PDE10A: variants seen among roughly 807,000 people sequenced by gnomAD.
PDE10A encodes cAMP and cAMP-inhibited cGMP 3',5'-cyclic phosphodiesterase 10A.
PDE10A carries 39 observed loss-of-function variants against 97.7 expected under a neutral mutation model. The observed-to-expected ratio is 0.40, with a 90% CI of 0.31 to 0.52. The LOEUF (loss-of-function observed/expected upper bound fraction) is 0.52, where lower values mean the gene tolerates loss of function less well. Ranked by LOEUF, PDE10A falls within the 20% of genes least tolerant of loss-of-function variation. The probability of loss-of-function intolerance (pLI) is 0.56; values close to 1 mark genes in which losing one functional copy is unlikely to be tolerated. For missense variants in PDE10A, 731 were observed against 1,047.8 expected (o/e 0.70, Z 4.17); for synonymous variants, 371 against 376.8 (o/e 0.98, Z 0.18).
chr6:165,378,915 C>T (rs1208405699), intron 18 of PDE10A, among the ~76,000 whole-genome samples: 1 of 152,298 alleles, frequency 6.6e-6, no homozygotes, highest in Admixed American at 6.5e-5. Flanking sequence ...CTTGGAGAAA[C>T]ATCATTCCAG....
intron 3 of PDE10A, among the ~76,000 whole-genome samples, chr6:165,475,158 TCA>T (rs921797307): frequency 6.6e-6 from 1 of 152,170 alleles, no homozygotes; most frequent in Non-Finnish European, 1.5e-5. Context: ...AAACCATTTT[TCA>T]CACTTTTGCC....
intron 1 of PDE10A, among the ~76,000 whole-genome samples, chr6:165,764,947 T>C (rs376321525): frequency 0.1 from 15,684 of 151,856 alleles, 991 homozygotes; most frequent in South Asian, 0.19. Context: ...GGTGCGTTTA[T>C]AATCCCTGAG....
At chr6:165,405,537 C>T (rs1000157683) in intron 13 of PDE10A, among the ~76,000 whole-genome samples, 1 of 152,200 alleles carries the variant, frequency 6.6e-6, no homozygotes, top group African/African-American at 2.4e-5. Flanking sequence ...TTCATATGGA[C>T]TACGCACTGT....
At chr6:165,812,165 A>G (rs1779301923) in intron 1 of PDE10A, among the ~76,000 whole-genome samples, 1 of 152,198 alleles carries the variant, frequency 6.6e-6, no homozygotes, top group South Asian at 2.1e-4. Context: ...CAGTGTCTTT[A>G]TAATAAACCA....
chr6:165,942,256 C>T lies in PDE10A; in HGVS notation c.-615+45273G>A, dbSNP rs190304852. ...GGGGTAGCAGGGGAATTAAAAATGCCAGTTTATGATTTTATATATGTATGT... is the reference window on the plus strand; with the variant it reads ...GGGGTAGCAGGGGAATTAAAAATGCTAGTTTATGATTTTATATATGTATGT... On this transcript the variant is annotated intron_variant, in intron 1 of 19. Coordinates refer to the PDE10A transcript ENST00000366882. Among the ~76,000 whole-genome samples, 153 of 151,802 alleles carry T rather than the reference C, an allele frequency of 1.0e-3. 1 individual carries two copies. Among genetic ancestry groups the T allele is most frequent in the Non-Finnish European group, 1.9e-3 (132 of 67,964 alleles).
At position 165,383,251 on chromosome 6, in the gene PDE10A, C is replaced by G. The variant is rs561773206; in HGVS notation, c.2611-3885G>C. ...TGACTATTTTTAAAGTCAAAATGGG[C>G]TATTAAAAAAGGCAAAGAAAAAGTA... On this transcript the variant is annotated intron_variant, in intron 17 of 21. Coordinates refer to ENST00000539869, the MANE Select transcript of PDE10A (RefSeq NM_001385079.1). 3.3e-5 allele frequency among the ~76,000 whole-genome samples: 5 copies of G among 152,014 alleles called. No homozygotes were observed. In the East Asian group the frequency reaches 9.7e-4, roughly 29 times the overall value.
intron 5 of PDE10A, among the ~76,000 whole-genome samples, chr6:165,440,989 A>C (rs1253362585): frequency 6.6e-6 from 1 of 152,234 alleles, no homozygotes; most frequent in Non-Finnish European, 1.5e-5. Flanking sequence ...TGAATTAAGC[A>C]AAAATTCAGT....
chr6:165,507,617 T>C (rs755294295), intron 2 of PDE10A, among the ~76,000 whole-genome samples: 1 of 152,096 alleles, frequency 6.6e-6, no homozygotes, highest in Non-Finnish European at 1.5e-5. Flanking sequence ...CTAACTTGAA[T>C]GGCTCAAAAA....
intron 1 of PDE10A, among the ~76,000 whole-genome samples, chr6:165,778,176 G>A (rs756601747): frequency 5.3e-5 from 8 of 151,980 alleles, no homozygotes; most frequent in Non-Finnish European, 1.0e-4. Context: ...CCGGGTTCAC[G>A]CTGTTCTCCT....
At chr6:165,391,520 A>G (rs1382242716) in intron 16 of PDE10A, among the ~76,000 whole-genome samples, 2 of 152,222 alleles carry the variant, frequency 1.3e-5, no homozygotes, top group Non-Finnish European at 2.9e-5. Flanking sequence ...GAAAATGCTG[A>G]AAGTCTCAAC....
At chr6:165,413,344 G>A (rs1270470752) in intron 13 of PDE10A, among the ~76,000 whole-genome samples, 157 bp downstream of exon 13, 1 of 150,614 alleles carries the variant, frequency 6.6e-6, no homozygotes, top group Non-Finnish European at 1.5e-5. Flanking sequence ...GGCATTTTAT[G>A]ACATTTTCTA....
intron 1 of PDE10A, among the ~76,000 whole-genome samples, chr6:165,839,992 A>T (rs1780206993): frequency 5.1e-3 from 22 of 4,292 alleles, no homozygotes; most frequent in South Asian, 0.02. Flanking sequence ...CCCATCTCCA[A>T]CTCCATCCCA....
At chr6:165,734,997 G>A (rs1180711140) in intron 1 of PDE10A, among the ~76,000 whole-genome samples, 56 of 144,826 alleles carry the variant, frequency 3.9e-4, no homozygotes, top group African/African-American at 1.3e-3. Flanking sequence ...TAGATAGTAG[G>A]TAGGTAGGTA....
chr6:165,980,377 G>A (rs922398811), intron 1 of PDE10A, among the ~76,000 whole-genome samples: 8 of 134,892 alleles, frequency 5.9e-5, no homozygotes, highest in African/African-American at 1.9e-4. Context: ...AGAAAGTACT[G>A]TGTGGTTGCT....
At chr6:165,583,827 T>C (rs1302453245) in intron 1 of PDE10A, among the ~76,000 whole-genome samples, 1 of 152,140 alleles carries the variant, frequency 6.6e-6, no homozygotes, top group East Asian at 1.9e-4. Flanking sequence ...TGGGGAGGAA[T>C]AGGAATGGCA....
intron 12 of PDE10A, among the ~76,000 whole-genome samples, chr6:165,415,490 T>C (rs966147402): frequency 2.0e-5 from 3 of 152,158 alleles, no homozygotes; most frequent in Non-Finnish European, 2.9e-5. Context: ...TAAAATCAAA[T>C]TACATAATTG....
chr6:165,433,168 A>C, intron 6 of PDE10A, 39 bp from the exon 7 acceptor site: 1 of 1,489,160 alleles, frequency 6.7e-7, no homozygotes, highest in Non-Finnish European at 9.3e-7. Context: ...AATTCAGTGA[A>C]ATGATCATTA....
intron 18 of PDE10A, among the ~76,000 whole-genome samples, chr6:165,348,273 A>G (rs2128184555): frequency 6.6e-6 from 1 of 152,332 alleles, no homozygotes; most frequent in African/African-American, 2.4e-5. Flanking sequence ...ATGAAAGTAA[A>G]AATTTTAAAA....
Position 165,543,599 on chromosome 6 carries a change from C to A in PDE10A, c.866-31G>T, listed in dbSNP as rs774046683. The stretch of plus-strand genomic sequence containing the variant: ...AAAGAATTGAAAAGAATAAAATTCA[C>A]CTATACAACATCCTCATATCAATGA... On this transcript the variant is annotated intron_variant, in intron 1 of 21. Coordinates refer to ENST00000539869, the MANE Select transcript of PDE10A (RefSeq NM_001385079.1). 4 of 1,563,414 alleles carry A rather than the reference C, an allele frequency of 2.6e-6. No homozygotes were observed. The South Asian group carries it at 4.6e-5, about 18-fold the overall frequency.
Sources: allele counts gnomAD v4.1 joint callset (sites outside exome capture counted in the v4.1 genomes callset), GRCh38; gene constraint gnomAD v4.1.1; transcripts MANE v1.5; gene names NCBI Gene and HGNC (gene_info 2026-07-23, HGNC 2026-07-21).